PAPPA2: variants seen among roughly 807,000 people sequenced by gnomAD.
PAPPA2 encodes the protein pappalysin 2.
In PAPPA2, 86 loss-of-function variants were observed where a neutral mutation model predicts 176.4. That is an observed-to-expected ratio of 0.49 (90% CI 0.41 to 0.58). The LOEUF (loss-of-function observed/expected upper bound fraction) is 0.58. Ranked by LOEUF, PAPPA2 falls within the 20% of genes least tolerant of loss-of-function variation. PAPPA2 has a pLI of 0.00. For synonymous variants in PAPPA2, 809 were observed against 852.2 expected (o/e 0.95, Z 0.88); for missense variants, 2,073 against 2,256.9 (o/e 0.92, Z 1.65).
intron 1 of PAPPA2, among the ~76,000 whole-genome samples, chr1:176,529,072 C>A (rs1649648498): frequency 6.6e-6 from 1 of 152,182 alleles, no homozygotes; most frequent in African/African-American, 2.4e-5. Context: ...CCTAGCATAG[C>A]AATCTGCACA....
At chr1:176,828,460 A>T (rs1436797118) in intron 21 of PAPPA2, among the ~76,000 whole-genome samples, 1 of 151,586 alleles carries the variant, frequency 6.6e-6, no homozygotes, top group Non-Finnish European at 1.5e-5. Flanking sequence ...TAAAATAAAA[A>T]TATACTTTAT....
At chr1:176,710,810 G>A (rs750767754) in intron 11 of PAPPA2, among the ~76,000 whole-genome samples, 9 of 152,156 alleles carry the variant, frequency 5.9e-5, no homozygotes, top group Non-Finnish European at 1.2e-4. Context: ...TTATACTTGA[G>A]AAGACATCTT....
At chr1:176,696,220 C>T (rs1320002024) in intron 7 of PAPPA2, among the ~76,000 whole-genome samples, 1 of 151,124 alleles carries the variant, frequency 6.6e-6, no homozygotes, top group African/African-American at 2.4e-5. Context: ...AGTAGCCGTG[C>T]CATGTGACAG....
intron 4 of PAPPA2, among the ~76,000 whole-genome samples, chr1:176,686,665 A>G (rs7539712): frequency 0.5 from 75,617 of 151,918 alleles, 20,995 homozygotes; most frequent in African/African-American, 0.74. Context: ...GGGAGTCTTG[A>G]AACACAAACT....
rs879703359 is a variant in PAPPA2 at position 176,621,673 on chromosome 1, A to ATT, written c.1991+26089_1991+26090dup. Among the ~76,000 whole-genome samples the ATT allele has an allele frequency of 5.2e-3, 770 of 147,260 alleles. 13 individuals are homozygous for ATT. Among genetic ancestry groups the ATT allele is most frequent in the African/African-American group, 0.017 (699 of 40,398 alleles). On this transcript the variant is annotated intron_variant, in intron 3 of 22. Coordinates refer to ENST00000367662, the MANE Select transcript of PAPPA2 (RefSeq NM_020318.3). ...CAGAAATGACCAGTTGATGGCAACA[A>ATT]TTTTTTTTTTTTGGCATAAGCAACT... is the stretch of plus-strand genomic sequence containing the variant.
intron 1 of PAPPA2, among the ~76,000 whole-genome samples, chr1:176,479,240 T>C (rs1652274442): frequency 1.3e-5 from 2 of 152,200 alleles, no homozygotes; most frequent in Admixed American, 1.3e-4. Context: ...GGCCAGATTC[T>C]GAGAGAGTGT....
At chr1:176,475,509 C>T (rs1652072971) in intron 1 of PAPPA2, among the ~76,000 whole-genome samples, 1 of 152,186 alleles carries the variant, frequency 6.6e-6, no homozygotes, top group African/African-American at 2.4e-5. Context: ...ACCATATGTG[C>T]TTTCACTTTG....
chr1:176,503,901 T>C (rs1336360478), intron 1 of PAPPA2, among the ~76,000 whole-genome samples: 1 of 152,202 alleles, frequency 6.6e-6, no homozygotes, highest in Non-Finnish European at 1.5e-5. Context: ...AGCTCTGTTT[T>C]ATTTCTTCTA....
At position 176,594,925 on chromosome 1, in the gene PAPPA2, A is replaced by G; in HGVS notation, c.1321A>G (p.Ser441Gly). The G allele has an allele frequency of 1.2e-6, 2 of 1,614,222 alleles. No individual in the cohort carries two copies. Among genetic ancestry groups the G allele is most frequent in the Non-Finnish European group, 1.7e-6 (2 of 1,180,040 alleles). Residue 441 changes from serine (S) to glycine (G), a missense_variant, in exon 3 of 23, where the codon AGT becomes GGT. This residue lies in a region of PAPPA2 where 1,196 missense variants were observed against 1,330.4 expected (regional missense o/e 0.90). Transcript: ENST00000367662. The stretch of plus-strand genomic sequence containing the variant: ...CCTGCCACAAAGCCATTTTCAGCAC[A>G]GTTCTCAGCATTCAAGTGGGGAGGA... ...TALPQSHFQH[S>G]SQHSSGEEEA... is the part of the protein sequence containing the mutation.
chr1:176,826,055 G>T (rs1266749740), intron 21 of PAPPA2, among the ~76,000 whole-genome samples: 1 of 152,160 alleles, frequency 6.6e-6, no homozygotes, highest in Non-Finnish European at 1.5e-5. Context: ...AGGAAACTGA[G>T]GGGCTGAGAA....
chr1:176,628,055 G>A (rs973975951), intron 3 of PAPPA2, among the ~76,000 whole-genome samples: 4 of 152,136 alleles, frequency 2.6e-5, no homozygotes, highest in Non-Finnish European at 4.4e-5. Flanking sequence ...AGGGCCACTC[G>A]AGATTAAAGA....
At position 176,699,436 on chromosome 1, in the gene PAPPA2, G is replaced by A. The variant is rs749697386; in HGVS notation, c.3083G>A (p.Arg1028Lys). ...SGVKVYTFDE[R>K]IEIDAALLTS... ...GTGAAAGTCTACACCTTTGATGAGA[G>A]GATAGAGATTGATGCAGCACTCCTG... is the stretch of plus-strand genomic sequence containing the variant. Residue 1028 changes from arginine to lysine, a missense_variant, in exon 8 of 23, where the codon AGG becomes AAG. Transcript: ENST00000367662. 3 of 1,614,152 alleles carry A rather than the reference G, an allele frequency of 1.9e-6. No homozygotes were observed. The highest frequency in any genetic ancestry group is 1.1e-5 in the South Asian group (1 of 91,076).
intron 4 of PAPPA2, among the ~76,000 whole-genome samples, chr1:176,681,923 C>T (rs1312542329): frequency 6.6e-6 from 1 of 152,064 alleles, no homozygotes; most frequent in Non-Finnish European, 1.5e-5. Flanking sequence ...GGCAGAGTAG[C>T]TCTCACAGGG....
At chr1:176,551,727 A>G (rs1650962539) in intron 1 of PAPPA2, among the ~76,000 whole-genome samples, 1 of 152,228 alleles carries the variant, frequency 6.6e-6, no homozygotes, top group African/African-American at 2.4e-5. Context: ...AATGAAGTGC[A>G]GATGATCACA....
At chr1:176,487,341 T>C (rs1401542870) in intron 1 of PAPPA2, among the ~76,000 whole-genome samples, 1 of 152,130 alleles carries the variant, frequency 6.6e-6, no homozygotes, top group Non-Finnish European at 1.5e-5. Flanking sequence ...TCTCCACATC[T>C]TCCCCAGAGC....
At chr1:176,690,911 TAAAA>T (rs3039065) in intron 5 of PAPPA2, 7 of 936,578 alleles carry the variant, frequency 7.5e-6, no homozygotes, top group Non-Finnish European at 6.3e-6. Flanking sequence ...TGTATGTTAC[TAAAA>T]AAAAAAAAAA....
chr1:176,788,916 C>A (rs1217984450), intron 17 of PAPPA2, among the ~76,000 whole-genome samples: 1 of 152,196 alleles, frequency 6.6e-6, no homozygotes, highest in Non-Finnish European at 1.5e-5. Context: ...TCTCCCCTCT[C>A]TGAAGAACCA....
intron 11 of PAPPA2, 23 bp from the exon 12 acceptor site, chr1:176,711,812 T>C: frequency 6.3e-7 from 1 of 1,586,548 alleles, no homozygotes; most frequent in South Asian, 1.1e-5. Flanking sequence ...CACTTCAAAT[T>C]GTTGGTTGAA....
At chr1:176,738,966 G>T (rs1662544141) in intron 12 of PAPPA2, among the ~76,000 whole-genome samples, 1 of 151,856 alleles carries the variant, frequency 6.6e-6, no homozygotes, top group African/African-American at 2.4e-5. Flanking sequence ...GAATTTTCCT[G>T]TGTCCCATTG....
Sources: gnomAD v4.1 joint callset for allele counts (sites outside exome capture counted in the v4.1 genomes callset) on GRCh38, gnomAD v4.1.1 for gene constraint, gnomAD v4.1.1 regional missense constraint, MANE v1.5 for transcripts, NCBI Gene and HGNC (gene_info 2026-07-23, HGNC 2026-07-21) for gene names.